KL: variants seen among roughly 807,000 people sequenced by gnomAD.
KL encodes alpha-klotho.
KL carries 62 observed loss-of-function variants against 84.2 expected under a neutral mutation model. The observed-to-expected ratio is 0.74, with a 90% CI of 0.60 to 0.91. The LOEUF is 0.91. Among genes scored for constraint, KL ranks in the 40% least tolerant of loss-of-function variants. The pLI is 0.00. For missense variants in KL, 1,261 were observed against 1,305.7 expected, an observed-to-expected ratio of 0.97 and a Z score of 0.53; for synonymous variants, 528 against 528.0, an observed-to-expected ratio of 1.00 and a Z score of 0.00.
At position 33,061,785 on chromosome 13, in the gene KL, G is replaced by A; in HGVS notation, c.2701+5G>A. On this transcript the variant is annotated splice_donor_5th_base_variant and intron_variant, in intron 4 of 4. Transcript: ENST00000380099. Reference sequence around the variant, plus strand: ...ACATAAACGAAGCTCTCAAAGGTAAGGAGCCCTAGCTGCGGCTATCTCCTG... The same window carrying A: ...ACATAAACGAAGCTCTCAAAGGTAAAGAGCCCTAGCTGCGGCTATCTCCTG... 2 of 1,612,702 alleles carry A rather than the reference G, an allele frequency of 1.2e-6. No individual in the cohort carries two copies. The highest frequency in any genetic ancestry group is 1.7e-6 in the Non-Finnish European group (2 of 1,180,002).
chr13:33,057,334 G>T (rs1344107371), intron 3 of KL, among the ~76,000 whole-genome samples: 2 of 152,190 alleles, frequency 1.3e-5, no homozygotes, highest in African/African-American at 4.8e-5. Flanking sequence ...TCATCAGGGG[G>T]CTGTGCGCTG....
At position 33,016,719 on chromosome 13, in the gene KL, C is replaced by G. The variant is rs1489002659; in HGVS notation, c.279C>G (p.Phe93Leu). ...AGGGTGCGTCCATCTGGGATACGTT[C>G]ACCCACCACCCCCTGGCACCCCCGG... ...HGKGASIWDT[F>L]THHPLAPPGD... Residue 93 changes from phenylalanine (F) to leucine (L), a missense_variant, in exon 1 of 5, where the codon TTC (phenylalanine) becomes TTG (leucine). Transcript: ENST00000380099. 6.2e-7 allele frequency: 1 copy of G among 1,610,796 alleles called. No individual in the cohort carries two copies. The highest frequency in any genetic ancestry group is 8.5e-7 in the Non-Finnish European group (1 of 1,179,064).
chr13:33,060,886 C>G lies in KL; in HGVS notation c.1807C>G (p.Leu603Val), dbSNP rs757887898. The G allele has an allele frequency of 5.6e-5, 90 of 1,614,132 alleles. No homozygotes were observed. The highest frequency in any genetic ancestry group is 6.9e-5 in the Non-Finnish European group (82 of 1,180,034). The stretch of plus-strand genomic sequence containing the variant: ...CTTCTCCCTGGACTGGGCCCTGATT[C>G]TCCCTCTGGGTAACCAGTCCCAGGT... The part of the protein sequence containing the change: ...FRFSLDWALI[L>V]PLGNQSQVNH... Residue 603 changes from leucine to valine, a missense_variant, in exon 4 of 5, where the codon CTC (leucine) becomes GTC (valine). By Grantham distance (32) the Leu-to-Val change is conservative (BLOSUM62 1). Coordinates refer to ENST00000380099, the MANE Select transcript of KL (RefSeq NM_004795.4).
chr13:33,025,929 A>G (rs2138194946), intron 1 of KL, among the ~76,000 whole-genome samples: 1 of 152,336 alleles, frequency 6.6e-6, no homozygotes, highest in South Asian at 2.1e-4. Flanking sequence ...TGCAAAGATA[A>G]GAGGAAGTTT....
Position 33,065,110 on chromosome 13 carries a change from C to T in KL, c.*924C>T, listed in dbSNP as rs940577688. ...TCTTGGAATGAATGACATGACCTTTCCCTAGAGAATAAGGATGAAATAATC... is the reference window on the plus strand; with the variant it reads ...TCTTGGAATGAATGACATGACCTTTTCCTAGAGAATAAGGATGAAATAATC... On this transcript the variant is annotated 3_prime_UTR_variant, in exon 5 of 5. Transcript: ENST00000380099. 1 of 226,410 alleles carries T rather than the reference C, an allele frequency of 4.4e-6. No individual in the cohort carries two copies. Among genetic ancestry groups the T allele is most frequent in the Non-Finnish European group, 8.8e-6 (1 of 113,614 alleles). The allele number at this position is 226,410 out of a possible 1,614,324, so 14.0% of individuals were successfully genotyped here.
At chr13:33,033,519 T>C (rs1028696321) in intron 1 of KL, among the ~76,000 whole-genome samples, 1 of 150,764 alleles carries the variant, frequency 6.6e-6, no homozygotes, top group African/African-American at 2.4e-5. Context: ...ATTTGTGCCT[T>C]GGGGCATTAT....
At chr13:33,037,879 C>A (rs1328390592) in intron 1 of KL, among the ~76,000 whole-genome samples, 1 of 152,002 alleles carries the variant, frequency 6.6e-6, no homozygotes, top group Admixed American at 6.6e-5. Context: ...GGAGCCCAAC[C>A]CAGCTCACGA....
rs139286274 is a variant in KL at position 33,026,542 on chromosome 13, G to C, written c.819+9283G>C. Among the ~76,000 whole-genome samples, 318 of 152,280 alleles carry C rather than the reference G, an allele frequency of 2.1e-3. 1 individual carries two copies. The highest frequency in any genetic ancestry group is 0.021 in the Middle Eastern group (6 of 292). ...AATTATAGCTTGGAAAATTGGCTAA[G>C]TCGGGGAACTGTACAAGGGGTCATC... On this transcript the variant is annotated intron_variant, in intron 1 of 4. Transcript: ENST00000380099.
At position 33,061,148 on chromosome 13, in the gene KL, C is replaced by G; in HGVS notation, c.2069C>G (p.Pro690Arg). The G allele has an allele frequency of 6.2e-7, 1 of 1,614,206 alleles. No homozygotes were observed. ...AAGCTTTGGATAACGATGAATGAGCCGTATACAAGGAATATGACATACAGT... is the reference window on the plus strand; with the variant it reads ...AAGCTTTGGATAACGATGAATGAGCGGTATACAAGGAATATGACATACAGT... ...HVKLWITMNEPYTRNMTYSAG... is the reference protein window; with the variant it reads ...HVKLWITMNERYTRNMTYSAG... The change falls in exon 4 of 5, where the codon CCG (proline) becomes CGG (arginine). Residue 690 changes from proline to arginine, a missense_variant. Physicochemically the swap from Pro to Arg is moderately radical, Grantham distance 103 (BLOSUM62 -2). Coordinates refer to ENST00000380099, the MANE Select transcript of KL (RefSeq NM_004795.4).
chr13:33,021,618 C>T (rs1175335434), intron 1 of KL, among the ~76,000 whole-genome samples: 1 of 152,180 alleles, frequency 6.6e-6, no homozygotes, highest in Non-Finnish European at 1.5e-5. Context: ...CGCAGTGGCT[C>T]ACACCTGTAA....
chr13:33,025,109 G>A (rs1430560877), intron 1 of KL, among the ~76,000 whole-genome samples: 1 of 152,120 alleles, frequency 6.6e-6, no homozygotes, highest in Admixed American at 6.6e-5. Flanking sequence ...GTAGGGGAGA[G>A]GTAATTGTCA....
chr13:33,058,351 C>CT lies in KL; in HGVS notation c.1600-2319dup, dbSNP rs537430345. 7.8e-4 allele frequency among the ~76,000 whole-genome samples: 90 copies of CT among 115,094 alleles called. 1 individual carries two copies. The highest frequency in any genetic ancestry group is 2.5e-3 in the South Asian group (9 of 3,554). The allele number at this position is 115,094 out of a possible 152,430, so 75.5% of individuals were successfully genotyped here. Reference sequence around the variant, plus strand: ...TCCTGTATTTTCTTTTTTTTTTTTTCTTTTTTTTTGACAGAGTCTTGCTCT... The same window carrying CT: ...TCCTGTATTTTCTTTTTTTTTTTTTCTTTTTTTTTTGACAGAGTCTTGCTCT... On this transcript the variant is annotated intron_variant, in intron 3 of 4. Coordinates refer to ENST00000380099, the MANE Select transcript of KL (RefSeq NM_004795.4).
chr13:33,033,225 C>T (rs1168893068), intron 1 of KL, among the ~76,000 whole-genome samples: 2 of 152,162 alleles, frequency 1.3e-5, no homozygotes, highest in Non-Finnish European at 2.9e-5. Context: ...ATAACTTATG[C>T]GTGGCTGTTT....
chr13:33,019,557 A>G (rs1205239330), intron 1 of KL, among the ~76,000 whole-genome samples: 1 of 151,764 alleles, frequency 6.6e-6, no homozygotes, highest in Non-Finnish European at 1.5e-5. Flanking sequence ...GGGAAGCTTG[A>G]CCCCTCCTAG....
At chr13:33,018,813 A>G (rs1401330512) in intron 1 of KL, among the ~76,000 whole-genome samples, 5 of 152,210 alleles carry the variant, frequency 3.3e-5, no homozygotes, top group Non-Finnish European at 7.3e-5. Flanking sequence ...AAATCCTACA[A>G]GTTCTATTTT....
At chr13:33,057,547 T>C (rs1001361275) in intron 3 of KL, among the ~76,000 whole-genome samples, 1 of 152,086 alleles carries the variant, frequency 6.6e-6, no homozygotes, top group South Asian at 2.1e-4. Flanking sequence ...CCCAGAGGTC[T>C]CTCTCTCAGA....
chr13:33,053,916 A>C lies in KL; in HGVS notation c.969A>C (p.Val323=). 6.2e-7 allele frequency: 1 copy of C among 1,614,204 alleles called. No individual in the cohort carries two copies. The highest frequency in any genetic ancestry group is 8.5e-7 in the Non-Finnish European group (1 of 1,180,024). Residue 323 remains valine, a synonymous_variant, in exon 2 of 5, where the codon GTA becomes GTC. Coordinates refer to ENST00000380099, the MANE Select transcript of KL (RefSeq NM_004795.4). The part of the protein sequence containing the change: ...IKECQKSLDF[V]LGWFAKPVFI... ...AATGTCAAAAATCTCTGGACTTTGT[A>C]CTAGGTTGGTTTGCCAAACCCGTAT...
intron 1 of KL, among the ~76,000 whole-genome samples, chr13:33,017,594 G>A (rs111280414): frequency 5.9e-5 from 9 of 152,334 alleles, no homozygotes; most frequent in East Asian, 5.8e-4. Context: ...AGGAGTAACT[G>A]CAGGAAGAGA....
chr13:33,035,896 T>A (rs760329079), intron 1 of KL, among the ~76,000 whole-genome samples: 41 of 152,362 alleles, frequency 2.7e-4, no homozygotes, highest in Non-Finnish European at 4.7e-4. Flanking sequence ...ATCTCTGATT[T>A]ATTGATGTAT....
Sources: allele counts gnomAD v4.1 joint callset (sites outside exome capture counted in the v4.1 genomes callset), GRCh38; gene constraint gnomAD v4.1.1; transcripts MANE v1.5; gene names NCBI Gene and HGNC (gene_info 2026-07-23, HGNC 2026-07-21).